CLIC5: variants seen among roughly 807,000 people sequenced by gnomAD.
CLIC5 encodes CLIC family member 5.
CLIC5 carries 20 observed loss-of-function variants against 24.7 expected under a neutral mutation model. The observed-to-expected ratio is 0.81, with a 90% CI of 0.57 to 1.18. The LOEUF (loss-of-function observed/expected upper bound fraction) is 1.18, where lower values mean the gene tolerates loss of function less well. Ranked by LOEUF, CLIC5 falls within the 50% of genes most tolerant of loss-of-function variation. CLIC5 has a pLI of 0.00. For missense variants in CLIC5, 341 were observed against 326.1 expected (o/e 1.05, Z -0.35); for synonymous variants, 159 against 135.6 (o/e 1.17, Z -1.20).
the CLIC5 span, among the ~76,000 whole-genome samples, chr6:46,105,223 G>C: frequency 6.6e-6 from 1 of 152,000 alleles, no homozygotes; most frequent in African/African-American, 2.4e-5. Flanking sequence ...CTTATGAGGT[G>C]GGAGAATATT....
chr6:45,991,753 G>T (rs746179001), intron 1 of CLIC5, among the ~76,000 whole-genome samples: 3 of 152,132 alleles, frequency 2.0e-5, no homozygotes, highest in Non-Finnish European at 4.4e-5. Context: ...GATACATCTG[G>T]GAGTGGGTAT....
chr6:45,896,425 G>A (rs2127286569), downstream of CLIC5, among the ~76,000 whole-genome samples: 1 of 151,256 alleles, frequency 6.6e-6, no homozygotes, highest in East Asian at 1.9e-4. Context: ...CTGAGGCCCA[G>A]AAAGGAGCCT....
In CLIC5 at chr6:45,901,207, G is replaced by C. The variant is rs1762502982; in HGVS notation, c.*1881C>G. ...GACTCTTTCCTCACCAGTTCTCCTTGTTAAACATCTCCAGGGCACAATTTC... is the reference window on the plus strand; with the variant it reads ...GACTCTTTCCTCACCAGTTCTCCTTCTTAAACATCTCCAGGGCACAATTTC... On this transcript the variant is annotated 3_prime_UTR_variant, in exon 6 of 6. Coordinates refer to ENST00000339561, the MANE Select transcript of CLIC5 (RefSeq NM_016929.5). 1 of 152,010 alleles carries C rather than the reference G, an allele frequency of 6.6e-6. No individual in the cohort carries two copies. Among genetic ancestry groups the C allele is most frequent in the Admixed American group, 6.5e-5 (1 of 15,278 alleles). 9.4% of individuals were successfully genotyped at this position (152,010 alleles called of 1,614,324 possible).
intron 1 of CLIC5, among the ~76,000 whole-genome samples, chr6:45,970,980 G>GA (rs1273482088): frequency 6.6e-6 from 1 of 152,184 alleles, no homozygotes; most frequent in African/African-American, 2.4e-5. Flanking sequence ...ATGTCTAGGA[G>GA]AAAAAACTGA....
intron 1 of CLIC5, among the ~76,000 whole-genome samples, chr6:46,040,374 G>A (rs1181029637): frequency 1.3e-5 from 2 of 152,156 alleles, no homozygotes; most frequent in African/African-American, 2.4e-5. Context: ...GAGGTGATGG[G>A]AATGATGGTG....
chr6:46,078,102 G>A (rs1029622310), intron 1 of CLIC5, among the ~76,000 whole-genome samples: 2 of 152,182 alleles, frequency 1.3e-5, no homozygotes, highest in African/African-American at 4.8e-5. Flanking sequence ...GCTCACGTCT[G>A]TAATCCCAGC....
chr6:46,116,103 C>T, the CLIC5 span, among the ~76,000 whole-genome samples: 1 of 152,110 alleles, frequency 6.6e-6, no homozygotes, highest in African/African-American at 2.4e-5. Flanking sequence ...GAATCATTAT[C>T]AAGTCTTTAG....
At chr6:45,884,055 G>A (rs1361433989) in intron 6 of CLIC5, among the ~76,000 whole-genome samples, 1 of 152,210 alleles carries the variant, frequency 6.6e-6, no homozygotes, top group African/African-American at 2.4e-5. Context: ...ATAATAAGGA[G>A]TCTGGAGGTA....
At chr6:45,996,642 C>T (rs1162580487) in intron 1 of CLIC5, among the ~76,000 whole-genome samples, 3 of 152,042 alleles carry the variant, frequency 2.0e-5, no homozygotes, top group African/African-American at 7.2e-5. Context: ...ACAATGAACT[C>T]AAACAAATTT....
intron 1 of CLIC5, 84 bp downstream of exon 1, chr6:46,015,396 C>A: frequency 1.5e-6 from 2 of 1,361,548 alleles, no homozygotes; most frequent in Non-Finnish European, 1.9e-6. Flanking sequence ...TGGGAGGGTC[C>A]GGAGTCCAGC....
chr6:46,129,641 A>C, the CLIC5 span: 1 of 152,254 alleles, frequency 6.6e-6, no homozygotes, highest in East Asian at 1.9e-4. Context: ...GTGCAGCCAA[A>C]GTTGCTTTCT....
intron 1 of CLIC5, among the ~76,000 whole-genome samples, chr6:45,990,388 C>T (rs181080803): frequency 3.9e-5 from 6 of 152,250 alleles, no homozygotes; most frequent in Admixed American, 2.6e-4. Flanking sequence ...ACAAAGAATC[C>T]TCCATCTTGA....
intron 2 of CLIC5, among the ~76,000 whole-genome samples, chr6:45,954,013 C>T (rs536053981): frequency 5.9e-5 from 9 of 152,172 alleles, no homozygotes; most frequent in African/African-American, 1.7e-4. Context: ...CAGTGGCTCA[C>T]GTCTGTAATC....
At chr6:46,069,237 C>T (rs1474008169) in intron 1 of CLIC5, among the ~76,000 whole-genome samples, 5 of 152,070 alleles carry the variant, frequency 3.3e-5, no homozygotes, top group African/African-American at 1.2e-4. Flanking sequence ...GCATTCGCTC[C>T]ATCCTGGCCT....
chr6:46,078,905 AT>A (rs900605037), intron 1 of CLIC5, among the ~76,000 whole-genome samples: 4 of 152,198 alleles, frequency 2.6e-5, no homozygotes, highest in African/African-American at 9.7e-5. Flanking sequence ...GTTTATAATC[AT>A]TTTTATTGGC....
intron 1 of CLIC5, among the ~76,000 whole-genome samples, chr6:45,962,707 C>T (rs185816849): frequency 2.0e-5 from 3 of 152,272 alleles, no homozygotes; most frequent in Admixed American, 2.0e-4. Flanking sequence ...GTGTACATGT[C>T]CCCTCCCAAA....
At chr6:46,080,112 T>C in exon 1 of CLIC5, 1 of 1,551,710 alleles carries the variant, frequency 6.4e-7, no homozygotes, top group Non-Finnish European at 8.7e-7. Context: ...ATATAAATCA[T>C]TTTCTGGCCT....
chr6:46,056,655 T>C (rs558446817), intron 1 of CLIC5, among the ~76,000 whole-genome samples: 4 of 152,280 alleles, frequency 2.6e-5, no homozygotes, highest in African/African-American at 9.6e-5. Context: ...GGAGTCCCCC[T>C]ACACCACAGA....
chr6:45,917,172 A>G (rs985877414), intron 4 of CLIC5, among the ~76,000 whole-genome samples: 3 of 152,178 alleles, frequency 2.0e-5, no homozygotes, highest in Admixed American at 6.5e-5. Flanking sequence ...TGGCACTTAC[A>G]TGTGACCTTG....
Sources: allele counts gnomAD v4.1 joint callset (sites outside exome capture counted in the v4.1 genomes callset), GRCh38; gene constraint gnomAD v4.1.1; transcripts MANE v1.5; gene names NCBI Gene and HGNC (gene_info 2026-07-23, HGNC 2026-07-21).